Variants in MRPS6 observed in about 807,000 individuals in gnomAD.
MRPS6 encodes the protein mitochondrial ribosomal protein S6.
Under a neutral mutation model 13.1 loss-of-function variants are expected in MRPS6, and 6 were observed. The observed-to-expected ratio is 0.46, with a 90% CI of 0.25 to 0.91. The LOEUF (loss-of-function observed/expected upper bound fraction) is 0.91. Among genes scored for constraint, MRPS6 ranks in the 40% least tolerant of loss-of-function variants. The pLI is 0.18. For missense variants in MRPS6, 164 were observed against 155.6 expected, an observed-to-expected ratio of 1.05 and a Z score of -0.29; for synonymous variants, 61 against 56.5, an observed-to-expected ratio of 1.08 and a Z score of -0.36.
intron 2 of MRPS6, among the ~76,000 whole-genome samples, chr21:34,129,380 TCTGTTTCTACCGGGTCTGATTTTATGG>T (rs1420383545): frequency 4.6e-5 from 7 of 152,192 alleles, no homozygotes; most frequent in African/African-American, 1.4e-4. Context: ...ATGCCTCTGC[TCTGTTTCTACCGGGTCTGATTTTATGG>T]CAGTGAGATT....
At chr21:34,099,607 T>TTTTTTTCTCCCTTTATTTAACA in intron 1 of MRPS6, 1 of 999,716 alleles carries the variant, frequency 1.0e-6, no homozygotes, top group Non-Finnish European at 1.2e-6. Flanking sequence ...TTTGTGATTT[T>TTTTTTTCTCCCTTTATTTAACA]TTTTTTCTCC....
In MRPS6 at chr21:34,082,452, AT is replaced by A. The variant is rs572568695; in HGVS notation, c.45+8710del. On this transcript the variant is annotated intron_variant, in intron 1 of 2. Transcript: ENST00000399312. ...CTTGTTTTAGGCATGTATTAGTACT[AT>A]TTGGTTTGTACCCGTTGTATTAACC... 3.3e-3 allele frequency among the ~76,000 whole-genome samples: 508 copies of A among 152,220 alleles called. 5 individuals carry two copies. Among genetic ancestry groups the A allele is most frequent in the African/African-American group, 0.011 (477 of 41,532 alleles).
At chr21:34,084,456 A>G (rs1042321917) in intron 1 of MRPS6, among the ~76,000 whole-genome samples, 2 of 152,194 alleles carry the variant, frequency 1.3e-5, no homozygotes, top group African/African-American at 4.8e-5. Flanking sequence ...CATAGTTGCT[A>G]GCCTTTGAGG....
chr21:34,133,337 G>A (rs1980571257), intron 2 of MRPS6, among the ~76,000 whole-genome samples: 1 of 152,154 alleles, frequency 6.6e-6, no homozygotes, highest in African/African-American at 2.4e-5. Flanking sequence ...TGAGTATATG[G>A]AGAACACTTT....
intron 1 of MRPS6, among the ~76,000 whole-genome samples, chr21:34,094,540 C>T (rs1346331770): frequency 2.0e-5 from 3 of 152,024 alleles, no homozygotes; most frequent in African/African-American, 7.3e-5. Flanking sequence ...ATCTTAGTGC[C>T]TGTCCTAATC....
At chr21:34,121,945 A>C (rs751120412) in intron 1 of MRPS6, among the ~76,000 whole-genome samples, 26 of 152,188 alleles carry the variant, frequency 1.7e-4, no homozygotes, top group Admixed American at 9.2e-4. Flanking sequence ...GAACAGCTCA[A>C]CTGATGGTAT....
At chr21:34,140,384 G>C (rs988385185) in intron 2 of MRPS6, among the ~76,000 whole-genome samples, 3 of 151,998 alleles carry the variant, frequency 2.0e-5, no homozygotes, top group African/African-American at 4.8e-5. Flanking sequence ...TGTTTGTCCA[G>C]CTTATTTAGA....
rs1602929181 is a variant in MRPS6, at chr21:34,096,093, A to G, written c.45+22348A>G. 1.2e-6 allele frequency: 2 copies of G among 1,613,810 alleles called. No homozygotes were observed. Among genetic ancestry groups the G allele is most frequent in the Non-Finnish European group, 1.7e-6 (2 of 1,179,956 alleles). On this transcript the variant is annotated intron_variant, in intron 1 of 2. Coordinates refer to ENST00000399312, the MANE Select transcript of MRPS6 (RefSeq NM_032476.4). The surrounding 1 kb of genome is among the most constrained non-coding windows in gnomAD (Gnocchi z 5.9). ...AAACATTGCTCATGCCAAAGGCTCT[A>G]CTCTTATGGCTGGCTTCTTAAAGCT...
intron 2 of MRPS6, among the ~76,000 whole-genome samples, chr21:34,130,864 G>T (rs574275145): frequency 5.9e-5 from 9 of 152,200 alleles, no homozygotes; most frequent in African/African-American, 2.2e-4. Context: ...TTGTGAAGCT[G>T]ATAGCAACTT....
At chr21:34,104,053 T>A (rs1979367150) in intron 1 of MRPS6, 1 of 999,994 alleles carries the variant, frequency 1.0e-6, no homozygotes, top group Admixed American at 6.2e-5. Flanking sequence ...AAGTCATACT[T>A]TAACAGGGCA....
intron 1 of MRPS6, among the ~76,000 whole-genome samples, chr21:34,087,534 G>T (rs1398984378): frequency 6.6e-6 from 1 of 152,192 alleles, no homozygotes; most frequent in African/African-American, 2.4e-5. Context: ...AAGTTTTATA[G>T]CGTGTTAGGT....
intron 1 of MRPS6, among the ~76,000 whole-genome samples, chr21:34,087,433 C>G (rs575899372): frequency 6.6e-6 from 1 of 152,146 alleles, no homozygotes. Flanking sequence ...AGATGGTGTT[C>G]TGGACACTAG....
At chr21:34,140,440 G>C (rs1980870239) in intron 2 of MRPS6, among the ~76,000 whole-genome samples, 1 of 152,014 alleles carries the variant, frequency 6.6e-6, no homozygotes. Flanking sequence ...GAAGATTTTT[G>C]TGTATAACTT....
intron 1 of MRPS6, among the ~76,000 whole-genome samples, chr21:34,074,056 C>G (rs896740787): frequency 1.0e-3 from 146 of 145,708 alleles, no homozygotes; most frequent in African/African-American, 3.4e-3. Flanking sequence ...GATCCCGGCG[C>G]CGGCCCGCGG....
intron 1 of MRPS6, chr21:34,099,732 G>A (rs1221494584): frequency 1.0e-6 from 1 of 996,114 alleles, no homozygotes; most frequent in African/African-American, 1.8e-5. Context: ...TGTGTATATA[G>A]CAGTAGGTCA....
At chr21:34,141,274 T>G (rs1397432479) in intron 2 of MRPS6, among the ~76,000 whole-genome samples, 1 of 152,234 alleles carries the variant, frequency 6.6e-6, no homozygotes, top group Non-Finnish European at 1.5e-5. Flanking sequence ...AAATGCATAC[T>G]GTGCCAGTGG....
At chr21:34,142,092 TC>T (rs1190023869) in intron 2 of MRPS6, among the ~76,000 whole-genome samples, 3 of 152,192 alleles carry the variant, frequency 2.0e-5, no homozygotes, top group Non-Finnish European at 2.9e-5. Context: ...TTAGAAGTTT[TC>T]CCCCATGCTT....
At chr21:34,139,542 T>C (rs1162709760) in intron 2 of MRPS6, among the ~76,000 whole-genome samples, 5 of 152,128 alleles carry the variant, frequency 3.3e-5, no homozygotes, top group Admixed American at 1.3e-4. Context: ...TAGTCTGTGT[T>C]TTTCAAGGAA....
intron 1 of MRPS6, chr21:34,103,865 G>C: frequency 4.0e-6 from 4 of 1,000,184 alleles, no homozygotes; most frequent in Non-Finnish European, 4.8e-6. Flanking sequence ...AATGGGGTTT[G>C]AGGGCTTTTT....
Sources: allele counts gnomAD v4.1 joint callset (sites outside exome capture counted in the v4.1 genomes callset), GRCh38; gene constraint gnomAD v4.1.1; non-coding constraint Gnocchi (gnomAD v3.1); transcripts MANE v1.5; gene names NCBI Gene and HGNC (gene_info 2026-07-23, HGNC 2026-07-21).